Variants in MACF1 observed in about 807,000 individuals in gnomAD.
MACF1 encodes microtubule actin crosslinking factor 1, also known as microtubule-actin cross-linking factor 1.
Under a neutral mutation model 854.8 loss-of-function variants are expected in MACF1, and 193 were observed. That is an observed-to-expected ratio of 0.23 (90% CI 0.20 to 0.25). The LOEUF (loss-of-function observed/expected upper bound fraction) is 0.25. Among genes scored for constraint, MACF1 ranks in the 10% least tolerant of loss-of-function variants. The pLI is 1.00. For synonymous variants in MACF1, 3,185 were observed against 3,226.7 expected (o/e 0.99, Z 0.44); for missense variants, 7,722 against 8,929.1 (o/e 0.86, Z 5.45).
chr1:39,281,804 T>A (rs983176792), intron 6 of MACF1, among the ~76,000 whole-genome samples: 1 of 152,238 alleles, frequency 6.6e-6, no homozygotes, highest in African/African-American at 2.4e-5. Flanking sequence ...CTTTGATAAA[T>A]ATTCATGCAT....
chr1:39,426,344 GGCATAACTAGC>G (rs1162636283), intron 61 of MACF1, among the ~76,000 whole-genome samples: 1 of 151,876 alleles, frequency 6.6e-6, no homozygotes, highest in Non-Finnish European at 1.5e-5. Flanking sequence ...ACTTTGTCAG[GGCATAACTAGC>G]ATAGGACCTG....
intron 97 of MACF1, among the ~76,000 whole-genome samples, chr1:39,471,080 C>G (rs1308729703): frequency 6.6e-6 from 1 of 152,152 alleles, no homozygotes; most frequent in African/African-American, 2.4e-5. Context: ...TCCTGTGTCT[C>G]TCCAGGAGTG....
Position 39,370,049 on chromosome 1 carries a change from T to G in MACF1, c.12958T>G (p.Cys4320Gly), listed in dbSNP as rs1649095305. 6.2e-7 allele frequency: 1 copy of G among 1,612,072 alleles called. No individual in the cohort carries two copies. The highest frequency in any genetic ancestry group is 1.3e-5 in the African/African-American group (1 of 74,768). Residue 4320 changes from cysteine (C) to glycine (G), a missense_variant, in exon 51 of 101, where the codon TGC becomes GGC. Physicochemically the swap from Cys to Gly is radical, Grantham distance 159. Transcript: ENST00000564288. ...VKEREKDASSCQEQLDEFRKL... is the reference protein window; with the variant it reads ...VKEREKDASSGQEQLDEFRKL... ...TGACAGAGAGAAAGATGCATCATCT[T>G]GCCAGGAACAGTTGGATGAATTCCG... is the stretch of plus-strand genomic sequence containing the variant.
At position 39,378,456 on chromosome 1, in the gene MACF1, C is replaced by G; in HGVS notation, c.13214-5C>G. On this transcript the variant is annotated splice_polypyrimidine_tract_variant and splice_region_variant and intron_variant, in intron 52 of 100. Coordinates refer to ENST00000564288, the MANE Select transcript of MACF1 (RefSeq NM_001394062.1). The stretch of plus-strand genomic sequence containing the variant: ...CCCTGTTTGTCTCCCTGTCCTTCTG[C>G]TCAGGTTCCATACTGCCCTCTGTAG... The G allele has an allele frequency of 6.2e-7, 1 of 1,613,360 alleles. No homozygotes were observed. Among genetic ancestry groups the G allele is most frequent in the Non-Finnish European group, 8.5e-7 (1 of 1,179,274 alleles).
chr1:39,113,819 T>A lies in MACF1; in HGVS notation c.220+29381T>A, dbSNP rs569160130. Among the ~76,000 whole-genome samples the A allele has an allele frequency of 2.7e-4, 41 of 152,256 alleles. 1 individual carries two copies. The highest frequency in any genetic ancestry group is 4.6e-4 in the Admixed American group (7 of 15,300). On this transcript the variant is annotated intron_variant, in intron 2 of 93. Transcript: ENST00000361689. ...GGGAGGCCGAGGTGGGTGGATCACC[T>A]GAGGTCAGAAGTTTGAGACCAGCCT...
chr1:39,232,731 T>C (rs1309334132), intron 2 of MACF1, among the ~76,000 whole-genome samples: 1 of 146,670 alleles, frequency 6.8e-6, no homozygotes. Flanking sequence ...AGAAAACTAC[T>C]CTCATACTCT....
chr1:39,403,838 GGGC>G (rs796250036), intron 58 of MACF1, among the ~76,000 whole-genome samples: 319 of 125,374 alleles, frequency 2.5e-3, no homozygotes, highest in Non-Finnish European at 3.4e-3. Flanking sequence ...AAAAATTTTT[GGGC>G]GGGGGGGCCG....
chr1:39,305,202 A>T (rs1350378087), intron 23 of MACF1, among the ~76,000 whole-genome samples: 1 of 150,474 alleles, frequency 6.6e-6, no homozygotes, highest in East Asian at 2.0e-4. Flanking sequence ...TGGAGGTTGC[A>T]GTGAGCTGAG....
chr1:39,224,938 G>A (rs1180114308), intron 1 of MACF1, among the ~76,000 whole-genome samples: 7 of 152,100 alleles, frequency 4.6e-5, no homozygotes, highest in African/African-American at 1.7e-4. Flanking sequence ...TAATCCCAGC[G>A]TTTTGGGAGG....
At chr1:39,191,199 C>CTT (rs10708375) in intron 2 of MACF1, among the ~76,000 whole-genome samples, 49 of 135,458 alleles carry the variant, frequency 3.6e-4, no homozygotes, top group African/African-American at 8.9e-4. Context: ...TTCTTTCTTT[C>CTT]TTTTTTTTTT....
In MACF1 at chr1:39,140,691, C is replaced by T. The variant is rs568750117; in HGVS notation, c.220+56253C>T. On this transcript the variant is annotated intron_variant, in intron 2 of 93. Transcript: ENST00000361689. ...CTGCACTTTGGGAGGCTGAGGCAGG[C>T]GGATCACGAGGTCAGGAGATCAAGA... Among the ~76,000 whole-genome samples the T allele has an allele frequency of 5.9e-5, 9 of 151,954 alleles. No individual in the cohort carries two copies. The East Asian group carries it at 1.4e-3, about 23-fold the overall frequency.
chr1:39,402,679 C>A (rs1642523269), intron 58 of MACF1, among the ~76,000 whole-genome samples: 1 of 152,142 alleles, frequency 6.6e-6, no homozygotes, highest in Admixed American at 6.5e-5. Flanking sequence ...ATCCTTAACC[C>A]CCTCTAATCT....
At chr1:39,212,662 G>A (rs982831755) in intron 1 of MACF1, among the ~76,000 whole-genome samples, 3 of 152,062 alleles carry the variant, frequency 2.0e-5, no homozygotes, top group Admixed American at 6.6e-5. Flanking sequence ...TCATTCTGTC[G>A]CCCCGGCTGG....
chr1:39,338,109 A>G (rs1029532187), intron 38 of MACF1, among the ~76,000 whole-genome samples: 1 of 152,144 alleles, frequency 6.6e-6, no homozygotes, highest in African/African-American at 2.4e-5. Context: ...TGATTTAGGT[A>G]AGTTCAAAGG....
At position 39,353,083 on chromosome 1, in the gene MACF1, C is replaced by T. The variant is rs758126025; in HGVS notation, c.11276C>T (p.Ser3759Leu). The T allele has an allele frequency of 6.2e-7, 1 of 1,614,078 alleles. No individual in the cohort carries two copies. ...ALLDWVTSVG[S>L]SGGQLLTNLP... Reference sequence around the variant, plus strand: ...CTGGATTGGGTAACTTCAGTAGGATCATCTGGTGGACAGCTGCTGACCAAC... The same window carrying T: ...CTGGATTGGGTAACTTCAGTAGGATTATCTGGTGGACAGCTGCTGACCAAC... Residue 3759 changes from serine to leucine, a missense_variant, in exon 44 of 101, where the codon TCA becomes TTA. Ser to Leu is a moderately radical substitution (Grantham distance 145). Around this residue, in one of 15 missense-constraint regions of MACF1, gnomAD observed 2,807 missense variants for 3,235.8 expected, o/e 0.87. Coordinates refer to ENST00000564288, the MANE Select transcript of MACF1 (RefSeq NM_001394062.1).
Position 39,322,595 on chromosome 1 carries a change from C to A in MACF1, c.4030-13C>A, listed in dbSNP as rs991480649. 2.1e-5 allele frequency: 33 copies of A among 1,599,548 alleles called. No homozygotes were observed. Among genetic ancestry groups the A allele is most frequent in the Non-Finnish European group, 2.7e-5 (32 of 1,167,044 alleles). ...AACCCTGAGTAACTGTAGCGAAATT[C>A]ATCCTTTCCTAGGACTATGAATTGC... On this transcript the variant is annotated splice_polypyrimidine_tract_variant and intron_variant, in intron 31 of 100. Transcript: ENST00000564288.
chr1:39,413,115 G>T (rs1251981957), intron 58 of MACF1: 86 of 1,609,094 alleles, frequency 5.3e-5, no homozygotes, highest in Non-Finnish European at 7.1e-5. Flanking sequence ...CTGTCGCAGG[G>T]TTCTCCCCAG....
intron 6 of MACF1, among the ~76,000 whole-genome samples, chr1:39,259,571 G>A (rs1645135422): frequency 6.6e-6 from 1 of 150,458 alleles, no homozygotes; most frequent in African/African-American, 2.4e-5. Context: ...CATAACAAAT[G>A]TTTAAATAGA....
intron 2 of MACF1, among the ~76,000 whole-genome samples, chr1:39,151,409 T>C (rs1040606574): frequency 3.9e-5 from 6 of 152,244 alleles, no homozygotes; most frequent in African/African-American, 1.4e-4. Flanking sequence ...ATTATAAAAA[T>C]AGTCACTCGG....
Sources: allele counts gnomAD v4.1 joint callset (sites outside exome capture counted in the v4.1 genomes callset), GRCh38; gene constraint gnomAD v4.1.1; regional missense constraint gnomAD v4.1.1; transcripts MANE v1.5; gene names NCBI Gene and HGNC (gene_info 2026-07-23, HGNC 2026-07-21).